Variants in L3MBTL3 observed in about 807,000 individuals in gnomAD.
The protein encoded by L3MBTL3 is L3MBTL histone methyl-lysine binding protein 3.
L3MBTL3 carries 27 observed loss-of-function variants against 102.3 expected under a neutral mutation model. That is an observed-to-expected ratio of 0.26 (90% CI 0.19 to 0.36). The LOEUF (loss-of-function observed/expected upper bound fraction) is 0.36, where lower values mean the gene tolerates loss of function less well. L3MBTL3 is among the 10% of genes least tolerant of loss of function. The pLI, the probability that L3MBTL3 is intolerant of heterozygous loss-of-function variation, is 1.00. For synonymous variants in L3MBTL3, 340 were observed against 320.9 expected (o/e 1.06, Z -0.64); for missense variants, 798 against 955.3 (o/e 0.84, Z 2.17).
At chr6:130,080,555 T>G (rs769277851) in intron 14 of L3MBTL3, among the ~76,000 whole-genome samples, 9 of 152,160 alleles carry the variant, frequency 5.9e-5, no homozygotes, top group Non-Finnish European at 1.0e-4. Flanking sequence ...GGTTCCTGGT[T>G]ATGTACCCTG....
chr6:130,101,579 G>A (rs575312873), intron 18 of L3MBTL3, among the ~76,000 whole-genome samples: 2 of 152,172 alleles, frequency 1.3e-5, no homozygotes, highest in African/African-American at 4.8e-5. Context: ...CCTTGCGATT[G>A]CAGCCTCCAT....
rs185046989 is a variant in L3MBTL3, at chr6:130,120,865, C to T, written c.1887-14C>T. 283 of 1,593,578 alleles carry T rather than the reference C, an allele frequency of 1.8e-4. 1 individual carries two copies. The East Asian group carries it at 6.0e-3, about 34-fold the overall frequency. ...GTTTCTCTTATAAAATATTGAAATG[C>T]CTGTTTTTCTTAGAGACCAGCATGC... On this transcript the variant is annotated splice_polypyrimidine_tract_variant and intron_variant, in intron 19 of 22. Transcript: ENST00000361794.
In L3MBTL3 at chr6:130,141,023, T is replaced by C. The variant is rs1441913096; in HGVS notation, c.*1270T>C. The C allele has an allele frequency of 6.5e-6, 1 of 152,684 alleles. No individual in the cohort carries two copies. Among genetic ancestry groups the C allele is most frequent in the Non-Finnish European group, 1.5e-5 (1 of 68,048 alleles). The allele number at this position is 152,684 out of a possible 1,614,324, so 9.5% of individuals were successfully genotyped here. A position where few individuals can be genotyped will look rare whatever the true frequency, so the allele number is the denominator to read the frequency against. On this transcript the variant is annotated 3_prime_UTR_variant, in exon 23 of 23. Transcript: ENST00000361794. ...AAATTGATAGCTGGTAGTGTTTCTT[T>C]TGCAAGAATGCATTTCTAAGGCAAA...
chr6:130,091,026 A>G (rs1784008012), intron 16 of L3MBTL3, among the ~76,000 whole-genome samples: 1 of 151,102 alleles, frequency 6.6e-6, no homozygotes. Flanking sequence ...AAATTGAGGA[A>G]GAGAGTTCTT....
At chr6:130,069,763 C>G (rs1326821671) in intron 12 of L3MBTL3, among the ~76,000 whole-genome samples, 1 of 152,208 alleles carries the variant, frequency 6.6e-6, no homozygotes, top group East Asian at 1.9e-4. Context: ...TTCCTAAATT[C>G]TATGCATTGC....
chr6:130,092,737 T>A lies in L3MBTL3; in HGVS notation c.1519-8T>A. 6.4e-7 allele frequency: 1 copy of A among 1,562,932 alleles called. No individual in the cohort carries two copies. Among genetic ancestry groups the A allele is most frequent in the Non-Finnish European group, 8.8e-7 (1 of 1,133,760 alleles). On this transcript the variant is annotated splice_polypyrimidine_tract_variant and splice_region_variant and intron_variant, in intron 16 of 22. Transcript: ENST00000361794. Reference sequence around the variant, plus strand: ...AATTTGTACTGTTAATGTCCTTGTGTCATCCAGGTTCACTTTGATGGCTGG... The same window carrying A: ...AATTTGTACTGTTAATGTCCTTGTGACATCCAGGTTCACTTTGATGGCTGG...
chr6:130,028,875 A>C (rs1227547504), intron 2 of L3MBTL3, among the ~76,000 whole-genome samples: 1 of 152,228 alleles, frequency 6.6e-6, no homozygotes, highest in Non-Finnish European at 1.5e-5. Flanking sequence ...TGCTTCTGCC[A>C]AAGAGGTAAA....
chr6:130,029,958 G>A (rs1779604364), intron 2 of L3MBTL3, among the ~76,000 whole-genome samples: 1 of 152,048 alleles, frequency 6.6e-6, no homozygotes. Flanking sequence ...GGAGTAGCTG[G>A]GACTAGAGGC....
Position 130,049,366 on chromosome 6 carries a change from A to G in L3MBTL3, c.187A>G (p.Thr63Ala). The G allele has an allele frequency of 6.2e-7, 1 of 1,606,472 alleles. No individual in the cohort carries two copies. Among genetic ancestry groups the G allele is most frequent in the Non-Finnish European group, 8.5e-7 (1 of 1,173,136 alleles). ...ENVKKATATT[T>A]WMVPTAQEAP... ...TGTTAAAAAAGCAACTGCTACCACC[A>G]CTTGGATGGTACCAACTGCTCAAGA... The change falls in exon 4 of 23, where the codon ACT (threonine) becomes GCT (alanine). Residue 63 changes from threonine (T) to alanine (A), a missense_variant. Thr to Ala is a moderately conservative substitution (Grantham distance 58). Around this residue, in one of 4 missense-constraint regions of L3MBTL3, gnomAD observed 434 missense variants for 506.6 expected, o/e 0.86. Transcript: ENST00000361794.
chr6:130,126,388 G>T (rs1021091860), intron 20 of L3MBTL3, among the ~76,000 whole-genome samples: 2 of 152,050 alleles, frequency 1.3e-5, no homozygotes, highest in African/African-American at 2.4e-5. Context: ...CCACATGATG[G>T]TTCTGTTGGG....
chr6:130,092,740 T>C lies in L3MBTL3; in HGVS notation c.1519-5T>C, dbSNP rs765138010. ...TTGTACTGTTAATGTCCTTGTGTCA[T>C]CCAGGTTCACTTTGATGGCTGGAAC... On this transcript the variant is annotated splice_polypyrimidine_tract_variant and splice_region_variant and intron_variant, in intron 16 of 22. Transcript: ENST00000361794. 2 of 1,583,014 alleles carry C rather than the reference T, an allele frequency of 1.3e-6. No homozygotes were observed. The highest frequency in any genetic ancestry group is 1.7e-6 in the Non-Finnish European group (2 of 1,151,948).
At chr6:130,138,329 T>G (rs1787928860) in intron 22 of L3MBTL3, 1 of 152,208 alleles carries the variant, frequency 6.6e-6, no homozygotes, top group Non-Finnish European at 1.5e-5. Flanking sequence ...TGAAGAAGGC[T>G]AGAAGTCAGG....
At chr6:130,118,052 C>T (rs887149563) in intron 19 of L3MBTL3, among the ~76,000 whole-genome samples, 1 of 151,944 alleles carries the variant, frequency 6.6e-6, no homozygotes, top group Non-Finnish European at 1.5e-5. Flanking sequence ...AATGAGAATA[C>T]AGAGTCAGTC....
intron 16 of L3MBTL3, among the ~76,000 whole-genome samples, chr6:130,092,351 C>G (rs1265923316): frequency 6.6e-6 from 1 of 151,936 alleles, no homozygotes; most frequent in Non-Finnish European, 1.5e-5. Context: ...CTCTACCCTC[C>G]CCTCTCATCT....
At chr6:130,027,420 C>CATT (rs1291463628) in intron 2 of L3MBTL3, among the ~76,000 whole-genome samples, 7 of 152,096 alleles carry the variant, frequency 4.6e-5, no homozygotes, top group African/African-American at 1.7e-4. Flanking sequence ...TTTCTCCATC[C>CATT]ATTACACTGT....
intron 2 of L3MBTL3, among the ~76,000 whole-genome samples, chr6:130,038,785 T>G (rs534280580): frequency 6.6e-6 from 1 of 152,226 alleles, no homozygotes; most frequent in African/African-American, 2.4e-5. Flanking sequence ...ATAATCCCAG[T>G]TGTCTATGTT....
chr6:130,106,207 T>C (rs1784972069), intron 19 of L3MBTL3, among the ~76,000 whole-genome samples: 1 of 152,250 alleles, frequency 6.6e-6, no homozygotes, highest in Non-Finnish European at 1.5e-5. Flanking sequence ...TAATAATTAT[T>C]ACCTATTAAT....
Position 130,086,230 on chromosome 6 carries a change from A to G in L3MBTL3, c.1498A>G (p.Thr500Ala). 6.2e-7 allele frequency: 1 copy of G among 1,609,088 alleles called. No homozygotes were observed. The highest frequency in any genetic ancestry group is 8.5e-7 in the Non-Finnish European group (1 of 1,176,242). ...MFIRVATVAD[T>A]DDHRVKVHFD... is the part of the protein sequence containing the mutation. ...TATTAGAGTAGCAACTGTGGCAGAC[A>G]CAGATGATCACCGGGTAAAAGTAAG... Residue 500 changes from threonine to alanine, a missense_variant, in exon 16 of 23, where the codon ACA becomes GCA. By Grantham distance (58) the Thr-to-Ala change is moderately conservative. Transcript: ENST00000361794.
intron 22 of L3MBTL3, 50 bp from the exon 23 acceptor site, chr6:130,139,560 A>G: frequency 6.4e-7 from 1 of 1,557,238 alleles, no homozygotes; most frequent in South Asian, 1.1e-5. Flanking sequence ...ATTTTCTACA[A>G]CACTGCATCT....
Sources: gnomAD v4.1 joint callset for allele counts (sites outside exome capture counted in the v4.1 genomes callset) on GRCh38, gnomAD v4.1.1 for gene constraint, gnomAD v4.1.1 regional missense constraint, MANE v1.5 for transcripts, NCBI Gene and HGNC (gene_info 2026-07-23, HGNC 2026-07-21) for gene names.